The following RBFOX1 variants were observed in gnomAD, a reference collection of about 807,000 sequenced individuals.
The protein encoded by RBFOX1 is RNA binding fox-1 homolog 1.
RBFOX1 carries 8 observed loss-of-function variants against 57.7 expected under a neutral mutation model. The ratio of observed to expected loss-of-function variants is 0.14; its 90% CI spans 0.08 to 0.25. The LOEUF is 0.25. Ranked by LOEUF, RBFOX1 falls within the 10% of genes least tolerant of loss-of-function variation. The pLI is 1.00. For missense variants in RBFOX1, 611 were observed against 548.5 expected (o/e 1.11, Z -1.14); for synonymous variants, 326 against 222.4 (o/e 1.47, Z -4.15).
chr16:6,002,640 C>T (rs1043483015), intron 4 of RBFOX1, among the ~76,000 whole-genome samples: 3 of 152,114 alleles, frequency 2.0e-5, no homozygotes, highest in Non-Finnish European at 4.4e-5. Context: ...CTTCTCCTAC[C>T]GTTCTGTGTT....
chr16:6,084,092 C>T (rs889460479), intron 1 of RBFOX1, among the ~76,000 whole-genome samples: 2 of 152,142 alleles, frequency 1.3e-5, no homozygotes, highest in Non-Finnish European at 2.9e-5. Flanking sequence ...ACTTAGGGGC[C>T]TGAGCTTTTC....
intron 3 of RBFOX1, among the ~76,000 whole-genome samples, chr16:6,746,349 T>A (rs1273060955): frequency 6.6e-6 from 1 of 152,144 alleles, no homozygotes; most frequent in Non-Finnish European, 1.5e-5. Context: ...GAATACTGTA[T>A]GATTTGCAGA....
At chr16:7,499,133 G>C (rs942761337) in intron 4 of RBFOX1, among the ~76,000 whole-genome samples, 1 of 152,142 alleles carries the variant, frequency 6.6e-6, no homozygotes, top group Non-Finnish European at 1.5e-5. Flanking sequence ...CACAGTTCTG[G>C]AGGCCTGAAG....
intron 3 of RBFOX1, among the ~76,000 whole-genome samples, chr16:6,708,795 C>T (rs2063230975): frequency 6.6e-6 from 1 of 152,138 alleles, no homozygotes; most frequent in South Asian, 2.1e-4. Context: ...TCTGCCCTGG[C>T]TGGGTGCACA....
At chr16:6,854,862 G>A (rs1443181243) in intron 3 of RBFOX1, among the ~76,000 whole-genome samples, 3 of 152,032 alleles carry the variant, frequency 2.0e-5, no homozygotes, top group African/African-American at 4.8e-5. Flanking sequence ...CCAAAGTGCT[G>A]GGATTACAGG....
intron 1 of RBFOX1, among the ~76,000 whole-genome samples, chr16:6,312,578 G>C (rs1310621786): frequency 6.6e-6 from 1 of 152,046 alleles, no homozygotes; most frequent in Non-Finnish European, 1.5e-5. Context: ...ACAGAGATGG[G>C]GAAGGGAAAT....
intron 4 of RBFOX1, among the ~76,000 whole-genome samples, chr16:7,460,662 C>G (rs2059418594): frequency 1.3e-5 from 2 of 151,386 alleles, no homozygotes; most frequent in Admixed American, 1.3e-4. Context: ...CAACAAACCA[C>G]CATGACACAC....
At chr16:7,492,098 G>A (rs1037880667) in intron 4 of RBFOX1, among the ~76,000 whole-genome samples, 1 of 152,172 alleles carries the variant, frequency 6.6e-6, no homozygotes, top group African/African-American at 2.4e-5. Context: ...AATTTACCAT[G>A]CCAAAAGGTG....
Position 7,492,017 on chromosome 16 carries a change from T to G in RBFOX1, c.28-26130T>G, listed in dbSNP as rs142572824. On this transcript the variant is annotated intron_variant, in intron 4 of 15. Transcript: ENST00000550418. ...TAACACTCTACTCAGCCTACTTTGT[T>G]CACATTTCCAGCATCAGAATCCTGT... Among the ~76,000 whole-genome samples, 38 of 152,288 alleles carry G rather than the reference T, an allele frequency of 2.5e-4. No individual in the cohort carries two copies. In the East Asian group the frequency reaches 5.0e-3, roughly 20 times the overall value.
chr16:5,869,385 CT>C (rs1366618534), intron 4 of RBFOX1, among the ~76,000 whole-genome samples: 1 of 152,100 alleles, frequency 6.6e-6, no homozygotes, highest in African/African-American at 2.4e-5. Context: ...CATGTTGCCC[CT>C]TTTAAACTTC....
chr16:7,482,420 T>G (rs959628089), intron 4 of RBFOX1, among the ~76,000 whole-genome samples: 1 of 152,132 alleles, frequency 6.6e-6, no homozygotes, highest in African/African-American at 2.4e-5. Flanking sequence ...GTAGCCTTAT[T>G]CCTGAATTTC....
chr16:6,085,354 C>T (rs1012508861), intron 1 of RBFOX1, among the ~76,000 whole-genome samples: 1 of 152,202 alleles, frequency 6.6e-6, no homozygotes, highest in Admixed American at 6.5e-5. Flanking sequence ...CTCACTGCAA[C>T]CTCTGCCTAG....
At chr16:7,247,633 C>T (rs764719904) in intron 4 of RBFOX1, among the ~76,000 whole-genome samples, 3 of 152,184 alleles carry the variant, frequency 2.0e-5, no homozygotes, top group African/African-American at 7.2e-5. Flanking sequence ...TCAGGAATGC[C>T]GTGATTTTAA....
At chr16:6,495,371 C>G (rs905920491) in intron 2 of RBFOX1, among the ~76,000 whole-genome samples, 1 of 151,824 alleles carries the variant, frequency 6.6e-6, no homozygotes, top group East Asian at 1.9e-4. Context: ...CACCGCCCCC[C>G]GCCCCCGCCT....
At chr16:5,317,205 C>G (rs1464164150) in intron 1 of RBFOX1, among the ~76,000 whole-genome samples, 1 of 152,126 alleles carries the variant, frequency 6.6e-6, no homozygotes, top group Non-Finnish European at 1.5e-5. Context: ...TTCTCTCTCT[C>G]TCTCTCTCAA....
chr16:7,044,733 A>G (rs918631136), intron 3 of RBFOX1, among the ~76,000 whole-genome samples: 2 of 152,204 alleles, frequency 1.3e-5, no homozygotes, highest in African/African-American at 4.8e-5. Flanking sequence ...TTTCCAAATG[A>G]AATGACATTT....
At chr16:6,793,468 C>T (rs570361539) in intron 3 of RBFOX1, among the ~76,000 whole-genome samples, 2 of 152,292 alleles carry the variant, frequency 1.3e-5, no homozygotes, top group South Asian at 2.1e-4. Context: ...CTCAGTGTCT[C>T]AGTGGACATT....
chr16:6,901,224 GA>G (rs879584047), intron 3 of RBFOX1, among the ~76,000 whole-genome samples: 3 of 152,168 alleles, frequency 2.0e-5, no homozygotes, highest in Admixed American at 6.5e-5. Context: ...AGAAAGAGAG[GA>G]AAGATCAGAC....
intron 4 of RBFOX1, among the ~76,000 whole-genome samples, chr16:7,340,598 C>A (rs1274682991): frequency 6.6e-6 from 1 of 152,160 alleles, no homozygotes; most frequent in Admixed American, 6.5e-5. Flanking sequence ...ATAATCAGTG[C>A]AAGATTGTGT....
Sources: allele counts gnomAD v4.1 joint callset (sites outside exome capture counted in the v4.1 genomes callset), GRCh38; gene constraint gnomAD v4.1.1; transcripts MANE v1.5; gene names NCBI Gene and HGNC (gene_info 2026-07-23, HGNC 2026-07-21).